The following MROH1 variants were observed in gnomAD, a reference collection of about 807,000 sequenced individuals.
The protein encoded by MROH1 is maestro heat like repeat family member 1, also known as maestro heat-like repeat-containing protein family member 1.
MROH1 carries 117 observed loss-of-function variants against 116.5 expected under a neutral mutation model. The observed-to-expected ratio is 1.00, with a 90% CI of 0.86 to 1.17. The LOEUF (loss-of-function observed/expected upper bound fraction) is 1.17. MROH1 is among the 50% of genes most tolerant of loss of function. The pLI, the probability that MROH1 is intolerant of heterozygous loss-of-function variation, is 0.00. For missense variants in MROH1, 1,873 were observed against 1,338.5 expected, an observed-to-expected ratio of 1.40 and a Z score of -6.23; for synonymous variants, 921 against 583.9, an observed-to-expected ratio of 1.58 and a Z score of -8.32.
At position 144,261,697 on chromosome 8, in the gene MROH1, C is replaced by T. The variant is rs987767921; in HGVS notation, c.4883C>T (p.Thr1628Met). The change falls in exon 44 of 44, where the codon ACG becomes ATG. Residue 1628 changes from threonine to methionine, a missense_variant. Transcript: ENST00000326134. Reference protein sequence around the residue: ...LLKDPAPEVRTRAAEALGRLV... With the variant: ...LLKDPAPEVRMRAAEALGRLV... ...AAGGACCCGGCCCCCGAGGTGCGGA[C>T]GAGGGCTGCTGAGGCCCTGGGCCGC... 17 of 728,018 alleles carry T rather than the reference C, an allele frequency of 2.3e-5. No homozygotes were observed. The East Asian group carries it at 2.9e-4, about 12-fold the overall frequency. 45.1% of individuals were successfully genotyped at this position (728,018 alleles called of 1,614,324 possible). A position where few individuals can be genotyped will look rare whatever the true frequency, so the allele number is the denominator to read the frequency against.
intron 1 of MROH1, among the ~76,000 whole-genome samples, chr8:144,157,376 C>T (rs977641045): frequency 9.6e-4 from 146 of 152,338 alleles, no homozygotes; most frequent in African/African-American, 3.4e-3. Context: ...GTCTGTATAG[C>T]TTTCTTACAA....
At chr8:144,243,327 C>G (rs1467287144) in intron 24 of MROH1, among the ~76,000 whole-genome samples, 167 bp from the exon 25 acceptor site, 1 of 152,246 alleles carries the variant, frequency 6.6e-6, no homozygotes, top group Non-Finnish European at 1.5e-5. Flanking sequence ...CCTGGGTGGC[C>G]CCCCGCTTCT....
chr8:144,170,804 A>G (rs1822244298), intron 4 of MROH1, among the ~76,000 whole-genome samples: 1 of 152,222 alleles, frequency 6.6e-6, no homozygotes, highest in Non-Finnish European at 1.5e-5. Flanking sequence ...TCACGGTTTT[A>G]GACACATCCA....
At position 144,258,761 on chromosome 8, in the gene MROH1, C is replaced by G. The variant is rs1844409520; in HGVS notation, c.3792-16C>G. On this transcript the variant is annotated splice_polypyrimidine_tract_variant and intron_variant, in intron 35 of 43. Transcript: ENST00000326134. Reference sequence around the variant, plus strand: ...CGTGTGTGCCCTACCAGCTGAGCACCCTGGCAATCCTGCAGCTCTGCAGTG... The same window carrying G: ...CGTGTGTGCCCTACCAGCTGAGCACGCTGGCAATCCTGCAGCTCTGCAGTG... The G allele has an allele frequency of 1.3e-6, 1 of 762,208 alleles. No homozygotes were observed. Among genetic ancestry groups the G allele is most frequent in the Non-Finnish European group, 2.4e-6 (1 of 411,856 alleles). 47.2% of individuals were successfully genotyped at this position (762,208 alleles called of 1,614,324 possible). A position where few individuals can be genotyped will look rare whatever the true frequency, so the allele number is the denominator to read the frequency against.
intron 21 of MROH1, 49 bp from the exon 22 acceptor site, chr8:144,241,346 G>T: frequency 2.7e-6 from 2 of 735,886 alleles, no homozygotes; most frequent in Non-Finnish European, 5.1e-6. Flanking sequence ...GCGTGCATGT[G>T]TGGCAGTGCG....
intron 1 of MROH1, among the ~76,000 whole-genome samples, chr8:144,154,493 C>A (rs1817581117): frequency 6.6e-6 from 1 of 152,102 alleles, no homozygotes; most frequent in South Asian, 2.1e-4. Context: ...CCACGGGCGA[C>A]TGGTTTTACT....
intron 1 of MROH1, among the ~76,000 whole-genome samples, chr8:144,160,215 T>A (rs1819180505): frequency 6.6e-6 from 1 of 152,186 alleles, no homozygotes; most frequent in South Asian, 2.1e-4. Flanking sequence ...AGACCTTTCT[T>A]TTAGCTTTGT....
At chr8:144,191,681 C>T (rs905103622) in intron 8 of MROH1, 34 bp from the exon 9 acceptor site, 2 of 1,607,870 alleles carry the variant, frequency 1.2e-6, no homozygotes, top group Non-Finnish European at 8.5e-7. Context: ...GTTGACTGAG[C>T]AGCGTAAGCT....
Position 144,261,734 on chromosome 8 carries a change from C to G in MROH1, c.4920C>G (p.Leu1640=), listed in dbSNP as rs1201895815. 2.8e-6 allele frequency: 2 copies of G among 714,092 alleles called. No homozygotes were observed. The highest frequency in any genetic ancestry group is 5.1e-6 in the Non-Finnish European group (2 of 392,180). 44.2% of individuals were successfully genotyped at this position (714,092 alleles called of 1,614,324 possible). Residue 1640 remains leucine, a synonymous_variant, in exon 44 of 44, where the codon CTC becomes CTG. Transcript: ENST00000326134. ...AAEALGRLVK[L]A ...AGGCCCTGGGCCGCCTGGTGAAGCT[C>G]GCCTAAGGCTCCGGCCAGCACCCCC...
intron 12 of MROH1, among the ~76,000 whole-genome samples, chr8:144,208,040 G>A (rs1012313606): frequency 3.3e-5 from 5 of 151,738 alleles, no homozygotes; most frequent in Admixed American, 6.6e-5. Context: ...CCACCTCCCA[G>A]GTTCAAGTGA....
In MROH1 at chr8:144,244,102, C is replaced by T. The variant is rs1190052278; in HGVS notation, c.2556-120C>T. The T allele has an allele frequency of 5.4e-5, 38 of 699,036 alleles. No homozygotes were observed. The Admixed American group carries it at 7.1e-4, about 13-fold the overall frequency. The allele number at this position is 699,036 out of a possible 1,614,324, so 43.3% of individuals were successfully genotyped here. Reference sequence around the variant, plus strand: ...GTGCGCATGCTGCATGGGGTGCCGCCATGGTCTGGAGCAGAGTAAACATGG... The same window carrying T: ...GTGCGCATGCTGCATGGGGTGCCGCTATGGTCTGGAGCAGAGTAAACATGG... On this transcript the variant is annotated intron_variant, in intron 26 of 43. Transcript: ENST00000326134.
intron 33 of MROH1, among the ~76,000 whole-genome samples, chr8:144,253,421 G>A (rs1843170107): frequency 6.6e-6 from 1 of 152,352 alleles, no homozygotes; most frequent in African/African-American, 2.4e-5. Context: ...CCCAAGGCCT[G>A]AGCCATTGTC....
At chr8:144,236,606 G>A (rs1038632697) in intron 14 of MROH1, among the ~76,000 whole-genome samples, 6 of 151,942 alleles carry the variant, frequency 3.9e-5, no homozygotes, top group African/African-American at 9.6e-5. Flanking sequence ...AGCCAGGTAT[G>A]GTGGTGGGCG....
intron 10 of MROH1, among the ~76,000 whole-genome samples, chr8:144,197,084 G>C (rs1393806810): frequency 1.3e-5 from 2 of 152,144 alleles, no homozygotes; most frequent in Non-Finnish European, 2.9e-5. Context: ...AACAGAGCAA[G>C]ACTCTGTCTC....
At chr8:144,213,238 CTTG>C (rs1834552535) in intron 12 of MROH1, 4 of 628,998 alleles carry the variant, frequency 6.4e-6, no homozygotes, top group South Asian at 3.9e-5. Context: ...CTCTGCCACT[CTTG>C]TTGTCCAAAG....
At chr8:144,248,386 G>A (rs963120677) in intron 31 of MROH1, among the ~76,000 whole-genome samples, 8 of 152,194 alleles carry the variant, frequency 5.3e-5, no homozygotes, top group Admixed American at 2.0e-4. Flanking sequence ...GCTGGAACAC[G>A]GCCTGTCTCC....
intron 35 of MROH1, among the ~76,000 whole-genome samples, chr8:144,256,528 G>A (rs914854136): frequency 1.1e-4 from 17 of 152,156 alleles, no homozygotes; most frequent in Non-Finnish European, 1.8e-4. Context: ...GGCTGCCAGC[G>A]CTGCTCTGCC....
At position 144,259,668 on chromosome 8, in the gene MROH1, C is replaced by T. The variant is rs1384761183; in HGVS notation, c.4045-243C>T. Among the ~76,000 whole-genome samples the T allele has an allele frequency of 2.0e-5, 3 of 152,240 alleles. No individual in the cohort carries two copies. The East Asian group carries it at 5.8e-4, about 29-fold the overall frequency. On this transcript the variant is annotated intron_variant, in intron 37 of 43. Coordinates refer to ENST00000326134, the MANE Select transcript of MROH1 (RefSeq NM_032450.3). ...GGTGCCCTTGGTGGTGTGGTCTTGG[C>T]CTTCGTGGCCAAAGATGCCAAAATC... is the stretch of plus-strand genomic sequence containing the variant.
chr8:144,247,579 A>C lies in MROH1; in HGVS notation c.3020A>C (p.Asp1007Ala), dbSNP rs972776848. The C allele has an allele frequency of 6.5e-6, 5 of 774,394 alleles. No homozygotes were observed. In the African/African-American group the frequency reaches 8.5e-5, roughly 13 times the overall value. The allele number at this position is 774,394 out of a possible 1,614,324, so 48.0% of individuals were successfully genotyped here. The change falls in exon 31 of 44, where the codon GAC becomes GCC. Residue 1007 changes from aspartate to alanine, a missense_variant. Transcript: ENST00000326134. Reference sequence around the variant, plus strand: ...TGCCGCCTCTCAGGCTTCTCCCGGGACTACCGCGATGACGTGGCGGAGCGG... The same window carrying C: ...TGCCGCCTCTCAGGCTTCTCCCGGGCCTACCGCGATGACGTGGCGGAGCGG... ...LQLGYEGFSR[D>A]YRDDVAERLL...
Sources: allele counts gnomAD v4.1 joint callset (sites outside exome capture counted in the v4.1 genomes callset), GRCh38; gene constraint gnomAD v4.1.1; transcripts MANE v1.5; gene names NCBI Gene and HGNC (gene_info 2026-07-23, HGNC 2026-07-21).